The following MRE11 variants were observed in gnomAD, a reference collection of about 807,000 sequenced individuals.
The protein encoded by MRE11 is MRE11 double strand break repair nuclease.
Under a neutral mutation model 91.7 loss-of-function variants are expected in MRE11, and 62 were observed. The observed-to-expected ratio is 0.68, with a 90% CI of 0.55 to 0.84. The LOEUF is 0.84. MRE11 is among the 40% of genes least tolerant of loss of function. The pLI is 0.00. For synonymous variants in MRE11, 273 were observed against 271.4 expected, an observed-to-expected ratio of 1.01 and a Z score of -0.06; for missense variants, 796 against 852.9, an observed-to-expected ratio of 0.93 and a Z score of 0.83.
At position 94,418,377 on chromosome 11, in the gene MRE11, A is replaced by G. The variant is rs1250875648; in HGVS notation, c.*1748T>C. 4.4e-6 allele frequency: 1 copy of G among 229,766 alleles called. No homozygotes were observed. Among genetic ancestry groups the G allele is most frequent in the African/African-American group, 2.2e-5 (1 of 45,116 alleles). The allele number at this position is 229,766 out of a possible 1,614,324, so 14.2% of individuals were successfully genotyped here. A position where few individuals can be genotyped will look rare whatever the true frequency, so the allele number is the denominator to read the frequency against. ...TTTAGTACCTCTTTTCACAGCCAAG[A>G]GCAATTTTTTTTTTTTTAAGGAAAA... On this transcript the variant is annotated 3_prime_UTR_variant, in exon 20 of 20. Transcript: ENST00000323929.
At chr11:94,440,980 C>T (rs990435607) in intron 16 of MRE11, among the ~76,000 whole-genome samples, 2 of 152,166 alleles carry the variant, frequency 1.3e-5, no homozygotes, top group African/African-American at 2.4e-5. Context: ...ATGAAACTCT[C>T]GCCAACCTAG....
At position 94,492,841 on chromosome 11, in the gene MRE11, T is replaced by G. The variant is rs1441542753; in HGVS notation, c.-40A>C. On this transcript the variant is annotated 5_prime_UTR_variant, in exon 2 of 20. Transcript: ENST00000323929. ...AAGCTCCTCTGGGACCAGGTTCTTC[T>G]CCAAGAACCCCTGGGTACTGTACTC... 6.3e-7 allele frequency: 1 copy of G among 1,581,760 alleles called. No homozygotes were observed. The highest frequency in any genetic ancestry group is 1.1e-5 in the South Asian group (1 of 90,354).
chr11:94,484,413 A>G (rs1591716334), intron 4 of MRE11, among the ~76,000 whole-genome samples: 1 of 152,240 alleles, frequency 6.6e-6, no homozygotes, highest in African/African-American at 2.4e-5. Flanking sequence ...TTAAGGAGGA[A>G]CAGAAAAGTC....
At chr11:94,469,155 TA>T (rs1320252550) in intron 9 of MRE11, among the ~76,000 whole-genome samples, 3 of 152,226 alleles carry the variant, frequency 2.0e-5, no homozygotes. Context: ...CACCAGCGTC[TA>T]CTTTCCTCTC....
chr11:94,470,792 A>C, intron 8 of MRE11, 150 bp from the exon 9 acceptor site: 2 of 874,496 alleles, frequency 2.3e-6, no homozygotes, highest in Non-Finnish European at 3.6e-6. Context: ...TTTAACCTTA[A>C]TGTTATCATC....
chr11:94,493,805 AG>A lies in MRE11; in HGVS notation c.-121del, dbSNP rs1395810264. ...TCTGAACTTGCCTCTGAGAACCCGC[AG>A]GGCCGTAAACCTGAATTCCGCGGGA... On this transcript the variant is annotated 5_prime_UTR_variant, in exon 1 of 20. Coordinates refer to ENST00000323929, the MANE Select transcript of MRE11 (RefSeq NM_005591.4). 2 of 152,230 alleles carry A rather than the reference AG, an allele frequency of 1.3e-5. No individual in the cohort carries two copies. The highest frequency in any genetic ancestry group is 4.8e-5 in the African/African-American group (2 of 41,458). 9.4% of individuals were successfully genotyped at this position (152,230 alleles called of 1,614,324 possible).
chr11:94,452,510 T>A (rs1169374886), intron 14 of MRE11, among the ~76,000 whole-genome samples: 1 of 152,198 alleles, frequency 6.6e-6, no homozygotes, highest in African/African-American at 2.4e-5. Flanking sequence ...TGGCAGTATG[T>A]AGCAAAATTT....
upstream of MRE11, among the ~76,000 whole-genome samples, chr11:94,496,388 T>G (rs994319673): frequency 2.0e-5 from 3 of 152,168 alleles, no homozygotes; most frequent in Non-Finnish European, 2.9e-5. Context: ...TATAATTGAC[T>G]TAGAAGAAAA....
intron 14 of MRE11, among the ~76,000 whole-genome samples, chr11:94,455,490 GATAGCA>G (rs1946227617): frequency 1.3e-5 from 2 of 151,816 alleles, no homozygotes; most frequent in Admixed American, 1.3e-4. Flanking sequence ...TTAAATACTA[GATAGCA>G]ATCATAAAAC....
Position 94,445,796 on chromosome 11 carries a change from C to G in MRE11, c.1867+14G>C, listed in dbSNP as rs757152381. On this transcript the variant is annotated intron_variant, in intron 16 of 19. Transcript: ENST00000323929. Reference sequence around the variant, plus strand: ...GTTGGAATTTATAAATAATCACTTGCAGTCTATACTCACCATCTATAATAG... The same window carrying G: ...GTTGGAATTTATAAATAATCACTTGGAGTCTATACTCACCATCTATAATAG... 6.4e-7 allele frequency: 1 copy of G among 1,561,910 alleles called. No homozygotes were observed. Among genetic ancestry groups the G allele is most frequent in the Middle Eastern group, 1.7e-4 (1 of 5,978 alleles).
At chr11:94,489,187 G>A (rs1034135336) in intron 3 of MRE11, among the ~76,000 whole-genome samples, 4 of 151,922 alleles carry the variant, frequency 2.6e-5, no homozygotes, top group African/African-American at 7.3e-5. Flanking sequence ...ATAAAACAGT[G>A]CTTGGAAGTA....
chr11:94,442,200 T>C (rs1945800804), intron 16 of MRE11, among the ~76,000 whole-genome samples: 1 of 152,006 alleles, frequency 6.6e-6, no homozygotes, highest in Admixed American at 6.6e-5. Context: ...AGTTCAGAGA[T>C]TCATGAAGCC....
chr11:94,435,862 A>G lies in MRE11; in HGVS notation c.1964T>C (p.Ile655Thr). 1 of 1,613,950 alleles carries G rather than the reference A, an allele frequency of 6.2e-7. No individual in the cohort carries two copies. The stretch of plus-strand genomic sequence containing the variant: ...ATCTGTCTTTGAAGTGGTAGGAAAA[A>G]TGTCTTCTTCCACATCTGATTCATC... ...EVDESDVEEDIFPTTSKTDQR... is the reference protein window; with the variant it reads ...EVDESDVEEDTFPTTSKTDQR... Residue 655 changes from isoleucine to threonine, a missense_variant, in exon 18 of 20, where the codon ATT (isoleucine) becomes ACT (threonine). Ile to Thr is a moderately conservative substitution (Grantham distance 89). Transcript: ENST00000323929.
chr11:94,499,144 A>G, the MRE11 span: 193 of 154,692 alleles, frequency 1.2e-3, 3 homozygotes, highest in East Asian at 0.034. Context: ...TGAATATTGT[A>G]TACTGCATCC....
At chr11:94,445,153 T>C (rs1036658518) in intron 16 of MRE11, among the ~76,000 whole-genome samples, 9 of 152,114 alleles carry the variant, frequency 5.9e-5, no homozygotes, top group African/African-American at 1.9e-4. Flanking sequence ...GACAGGGCAG[T>C]ATGGGGGAAG....
chr11:94,422,702 G>A (rs978258389), intron 19 of MRE11, among the ~76,000 whole-genome samples: 1 of 152,048 alleles, frequency 6.6e-6, no homozygotes, highest in Non-Finnish European at 1.5e-5. Context: ...TTCAAAGGAA[G>A]GTTATCAATG....
At chr11:94,490,362 A>C (rs1947254747) in intron 3 of MRE11, among the ~76,000 whole-genome samples, 1 of 152,158 alleles carries the variant, frequency 6.6e-6, no homozygotes, top group Admixed American at 6.5e-5. Context: ...GCCCAAGTTA[A>C]ACACAACCTT....
At position 94,476,457 on chromosome 11, in the gene MRE11, A is replaced by G. The variant is rs1591703514; in HGVS notation, c.545-54T>C. 2.5e-6 allele frequency: 3 copies of G among 1,212,884 alleles called. No individual in the cohort carries two copies. In the East Asian group the frequency reaches 7.0e-5, roughly 28 times the overall value. The allele number at this position is 1,212,884 out of a possible 1,614,324, so 75.1% of individuals were successfully genotyped here. On this transcript the variant is annotated intron_variant, in intron 6 of 19. Coordinates refer to ENST00000323929, the MANE Select transcript of MRE11 (RefSeq NM_005591.4). The stretch of plus-strand genomic sequence containing the variant: ...TTGTTTTCTTACTTCGGCTTAAAAA[A>G]TGAATCTATTTTGCTTCTAAATTAT...
chr11:94,465,797 G>T (rs965763527), intron 10 of MRE11, among the ~76,000 whole-genome samples: 2 of 152,142 alleles, frequency 1.3e-5, no homozygotes, highest in Non-Finnish European at 2.9e-5. Context: ...TAAATGTTTG[G>T]TCATAACAAA....
Sources: gnomAD v4.1 joint callset for allele counts (sites outside exome capture counted in the v4.1 genomes callset) on GRCh38, gnomAD v4.1.1 for gene constraint, MANE v1.5 for transcripts, NCBI Gene and HGNC (gene_info 2026-07-23, HGNC 2026-07-21) for gene names.